Variants in XKR9 observed in about 807,000 individuals in gnomAD.
XKR9 encodes the protein XK-related protein 9.
Under a neutral mutation model 32.0 loss-of-function variants are expected in XKR9, and 32 were observed. That is an observed-to-expected ratio of 1.00 (90% CI 0.76 to 1.34). XKR9 has a LOEUF of 1.34. Ranked by LOEUF, XKR9 falls within the 40% of genes most tolerant of loss-of-function variation. The pLI, the probability that XKR9 is intolerant of heterozygous loss-of-function variation, is 0.00. For missense variants in XKR9, 546 were observed against 429.7 expected, an observed-to-expected ratio of 1.27 and a Z score of -2.39; for synonymous variants, 168 against 143.4, an observed-to-expected ratio of 1.17 and a Z score of -1.22.
chr8:70,699,608 T>C (rs1055421065), intron 3 of XKR9, among the ~76,000 whole-genome samples: 15 of 152,282 alleles, frequency 9.9e-5, no homozygotes, highest in African/African-American at 1.7e-4. Flanking sequence ...CTCTGGCTGC[T>C]CTTAACATTT....
intron 4 of XKR9, among the ~76,000 whole-genome samples, chr8:70,720,774 G>A (rs903364267): frequency 6.6e-6 from 1 of 152,020 alleles, no homozygotes; most frequent in African/African-American, 2.4e-5. Context: ...TCTTTTTGTT[G>A]TGTCTCTGCC....
intron 1 of XKR9, among the ~76,000 whole-genome samples, chr8:70,674,558 A>G (rs1818823249): frequency 6.6e-6 from 1 of 152,224 alleles, no homozygotes; most frequent in Non-Finnish European, 1.5e-5. Flanking sequence ...ATCCATTTGG[A>G]TATGTTGTGA....
At chr8:70,813,281 C>T in the XKR9 span, among the ~76,000 whole-genome samples, 156 of 152,272 alleles carry the variant, frequency 1.0e-3, 1 homozygote, top group African/African-American at 3.7e-3. Context: ...ACACCTTATA[C>T]AAAAATTAAT....
the XKR9 span, among the ~76,000 whole-genome samples, chr8:70,959,878 T>C: frequency 0.022 from 3,318 of 152,292 alleles, 133 homozygotes; most frequent in African/African-American, 0.076. Context: ...CTTTTAAAAA[T>C]AAGTATGTGG....
intron 3 of XKR9, among the ~76,000 whole-genome samples, chr8:70,702,853 T>C (rs889062041): frequency 2.6e-5 from 4 of 152,190 alleles, no homozygotes; most frequent in African/African-American, 9.6e-5. Context: ...AAAATCCAGT[T>C]TGATAATCTC....
chr8:71,029,201 T>A, the XKR9 span, among the ~76,000 whole-genome samples: 1 of 152,152 alleles, frequency 6.6e-6, no homozygotes, highest in Non-Finnish European at 1.5e-5. Flanking sequence ...AAAATCATAG[T>A]TTCTAATATA....
the XKR9 span, among the ~76,000 whole-genome samples, chr8:70,920,819 T>C: frequency 6.6e-6 from 1 of 152,228 alleles, no homozygotes; most frequent in African/African-American, 2.4e-5. Flanking sequence ...TCCATTTTGT[T>C]ATGAGGAGAT....
intron 2 of XKR9, among the ~76,000 whole-genome samples, chr8:70,761,692 A>T (rs914401318): frequency 6.6e-6 from 1 of 151,464 alleles, no homozygotes. Context: ...GAAGCTCTTT[A>T]GTTTAATTAG....
chr8:70,743,818 G>T (rs147312294), intron 2 of XKR9, among the ~76,000 whole-genome samples: 15 of 152,056 alleles, frequency 9.9e-5, no homozygotes, highest in Non-Finnish European at 2.2e-4. Flanking sequence ...ATTTTGTGTA[G>T]TTGGTATGCT....
intron 2 of XKR9, among the ~76,000 whole-genome samples, chr8:70,755,059 A>T (rs968906544): frequency 3.9e-5 from 6 of 152,154 alleles, no homozygotes; most frequent in African/African-American, 1.2e-4. Context: ...ACTCAAACAA[A>T]TTTACAAGAA....
chr8:70,786,584 A>G (rs543912886), intron 2 of XKR9, among the ~76,000 whole-genome samples: 11 of 152,132 alleles, frequency 7.2e-5, no homozygotes, highest in Non-Finnish European at 1.5e-4. Context: ...GGATATAAGT[A>G]TAGCTAACAC....
chr8:70,685,892 TA>T lies in XKR9; in HGVS notation c.272+4570del, dbSNP rs1291253723. Among the ~76,000 whole-genome samples the T allele has an allele frequency of 2.1e-4, 32 of 150,146 alleles. No homozygotes were observed. The South Asian group carries it at 2.7e-3, about 13-fold the overall frequency. The stretch of plus-strand genomic sequence containing the variant: ...TAAAACTTAAAGTATAATAATAAAA[TA>T]AAAAAAATTATATTTAAATAATTTA... On this transcript the variant is annotated intron_variant, in intron 3 of 4. Coordinates refer to ENST00000408926, the MANE Select transcript of XKR9 (RefSeq NM_001011720.2).
At chr8:70,773,712 C>A (rs1483061509) in intron 2 of XKR9, among the ~76,000 whole-genome samples, 1 of 152,102 alleles carries the variant, frequency 6.6e-6, no homozygotes, top group South Asian at 2.1e-4. Flanking sequence ...TTATTTGCTT[C>A]CTATGAAGGC....
At chr8:70,755,020 A>G (rs1477489862) in intron 2 of XKR9, among the ~76,000 whole-genome samples, 1 of 152,058 alleles carries the variant, frequency 6.6e-6, no homozygotes, top group African/African-American at 2.4e-5. Flanking sequence ...CTCATCTGAC[A>G]AAGGGCTAAT....
chr8:70,819,730 G>A, the XKR9 span, among the ~76,000 whole-genome samples: 1 of 152,124 alleles, frequency 6.6e-6, no homozygotes, highest in Admixed American at 6.5e-5. Flanking sequence ...TACTGTCCTT[G>A]CCAAGGGTTT....
At chr8:70,688,649 C>G (rs1458486829) in intron 3 of XKR9, among the ~76,000 whole-genome samples, 2 of 151,752 alleles carry the variant, frequency 1.3e-5, no homozygotes, top group African/African-American at 4.8e-5. Flanking sequence ...ATCTCCTGAC[C>G]TCGTGAGCCG....
chr8:70,882,128 G>A, the XKR9 span, among the ~76,000 whole-genome samples: 1 of 152,094 alleles, frequency 6.6e-6, no homozygotes, highest in African/African-American at 2.4e-5. Flanking sequence ...GGGGGGCTGG[G>A]GAGGGATAGC....
the XKR9 span, among the ~76,000 whole-genome samples, chr8:70,818,157 A>G: frequency 6.6e-6 from 1 of 151,974 alleles, no homozygotes; most frequent in Non-Finnish European, 1.5e-5. Flanking sequence ...GAAACTATCA[A>G]GAGAGTGTTT....
At chr8:70,739,013 C>G (rs1480102236), downstream of XKR9, among the ~76,000 whole-genome samples, 2 of 152,080 alleles carry the variant, frequency 1.3e-5, no homozygotes, top group South Asian at 2.1e-4. Flanking sequence ...GAGTTCAATT[C>G]CTGGGTATCC....
Sources: allele counts gnomAD v4.1 joint callset (sites outside exome capture counted in the v4.1 genomes callset), GRCh38; gene constraint gnomAD v4.1.1; transcripts MANE v1.5; gene names NCBI Gene and HGNC (gene_info 2026-07-23, HGNC 2026-07-21).